The following EPHB1 variants were observed in gnomAD, a reference collection of about 807,000 sequenced individuals.
The protein encoded by EPHB1 is ephrin type-B receptor 1.
Under a neutral mutation model 94.4 loss-of-function variants are expected in EPHB1, and 30 were observed. The ratio of observed to expected loss-of-function variants is 0.32; its 90% CI spans 0.24 to 0.43. EPHB1 has a LOEUF of 0.43. Ranked by LOEUF, EPHB1 falls within the 20% of genes least tolerant of loss-of-function variation. EPHB1 has a pLI of 1.00. For synonymous variants in EPHB1, 522 were observed against 489.1 expected, an observed-to-expected ratio of 1.07 and a Z score of -0.89; for missense variants, 1,055 against 1,308.3, an observed-to-expected ratio of 0.81 and a Z score of 2.99.
intron 12 of EPHB1, among the ~76,000 whole-genome samples, chr3:135,207,547 A>G (rs1050964936): frequency 6.6e-6 from 1 of 152,218 alleles, no homozygotes; most frequent in Non-Finnish European, 1.5e-5. Context: ...GTGCATAATT[A>G]CCAGCTGAAA....
chr3:135,207,423 A>C (rs925348400), intron 12 of EPHB1, among the ~76,000 whole-genome samples: 2 of 97,560 alleles, frequency 2.1e-5, no homozygotes, highest in Admixed American at 1.3e-4. Flanking sequence ...AGTATCTACT[A>C]TGTGTCAACA....
chr3:135,056,819 C>T (rs1937362914), intron 3 of EPHB1, among the ~76,000 whole-genome samples: 1 of 152,108 alleles, frequency 6.6e-6, no homozygotes, highest in South Asian at 2.1e-4. Flanking sequence ...GGAGTAGGGA[C>T]ACTTGTAAGC....
intron 8 of EPHB1, 63 bp downstream of exon 8, chr3:135,166,139 C>T (rs1941646120): frequency 7.8e-7 from 1 of 1,281,962 alleles, no homozygotes; most frequent in African/African-American, 1.5e-5. Flanking sequence ...TGTGCCGTTT[C>T]CCAGGCTGCG....
chr3:134,853,910 T>C (rs2037048669), intron 1 of EPHB1, among the ~76,000 whole-genome samples: 1 of 152,148 alleles, frequency 6.6e-6, no homozygotes, highest in East Asian at 1.9e-4. Context: ...AGAGAGCCCA[T>C]CCATCATGGA....
chr3:134,847,256 G>A (rs892114842), intron 1 of EPHB1, among the ~76,000 whole-genome samples: 6 of 152,076 alleles, frequency 3.9e-5, no homozygotes, highest in African/African-American at 1.2e-4. Context: ...CTCCACCTCC[G>A]GCTTCAGATG....
intron 12 of EPHB1, among the ~76,000 whole-genome samples, chr3:135,217,696 G>T (rs1361764582): frequency 6.6e-6 from 1 of 152,094 alleles, no homozygotes; most frequent in Non-Finnish European, 1.5e-5. Context: ...CAGTGAGTTT[G>T]ACTGCAACAG....
intron 10 of EPHB1, among the ~76,000 whole-genome samples, chr3:135,184,331 C>G (rs1338225480): frequency 6.6e-6 from 1 of 152,028 alleles, no homozygotes; most frequent in Non-Finnish European, 1.5e-5. Flanking sequence ...CATCAGCTGC[C>G]AAAGTTTCTC....
intron 1 of EPHB1, among the ~76,000 whole-genome samples, chr3:134,874,297 A>G (rs1041083907): frequency 1.5e-4 from 23 of 152,170 alleles, no homozygotes; most frequent in African/African-American, 5.3e-4. Flanking sequence ...GTTCTCACTC[A>G]TAAGTGGGAG....
chr3:134,947,930 A>G (rs75578493), intron 2 of EPHB1, among the ~76,000 whole-genome samples: 2,127 of 152,256 alleles, frequency 0.014, 20 homozygotes, highest in Non-Finnish European at 0.019. Context: ...AGCTGGTTCT[A>G]CAGGCACAAG....
intron 3 of EPHB1, among the ~76,000 whole-genome samples, chr3:135,063,835 A>G (rs886214324): frequency 5.9e-5 from 9 of 152,164 alleles, no homozygotes; most frequent in African/African-American, 1.7e-4. Flanking sequence ...TTTGTCATAC[A>G]TAGATGGCTT....
At chr3:135,133,470 T>G (rs1940500316) in intron 5 of EPHB1, among the ~76,000 whole-genome samples, 1 of 152,098 alleles carries the variant, frequency 6.6e-6, no homozygotes, top group Admixed American at 6.5e-5. Flanking sequence ...GACAGACAGA[T>G]GGTGAGTGAG....
At chr3:134,801,751 G>A (rs2035939025) in intron 1 of EPHB1, among the ~76,000 whole-genome samples, 1 of 152,200 alleles carries the variant, frequency 6.6e-6, no homozygotes, top group South Asian at 2.1e-4. Context: ...AGCTGTAGGT[G>A]GGGCCCTTGG....
At chr3:135,167,136 C>A in intron 9 of EPHB1, 130 bp downstream of exon 9, 1 of 1,017,642 alleles carries the variant, frequency 9.8e-7, no homozygotes, top group Non-Finnish European at 1.5e-6. Flanking sequence ...CCCCCAGTGC[C>A]TTGGCCACCT....
intron 3 of EPHB1, among the ~76,000 whole-genome samples, chr3:135,046,891 T>C (rs1388733879): frequency 1.3e-5 from 2 of 152,238 alleles, no homozygotes; most frequent in Non-Finnish European, 2.9e-5. Context: ...CCTATTCTTA[T>C]TGTAAAAGGC....
chr3:135,202,431 C>CA (rs144848275), intron 12 of EPHB1, among the ~76,000 whole-genome samples: 2 of 151,952 alleles, frequency 1.3e-5, no homozygotes, highest in Non-Finnish European at 2.9e-5. Context: ...CATAGGGTAC[C>CA]AAAAAATCTA....
At chr3:134,897,435 G>T (rs1303643777) in intron 1 of EPHB1, among the ~76,000 whole-genome samples, 2 of 152,194 alleles carry the variant, frequency 1.3e-5, no homozygotes, top group African/African-American at 4.8e-5. Flanking sequence ...AGCAAAGCAG[G>T]GGTTGGTTAC....
intron 5 of EPHB1, among the ~76,000 whole-genome samples, chr3:135,141,492 G>T (rs1940826991): frequency 6.6e-6 from 1 of 152,132 alleles, no homozygotes; most frequent in Non-Finnish European, 1.5e-5. Flanking sequence ...TCACATGCTG[G>T]TGCTGCCTCC....
At position 135,207,109 on chromosome 3, in the gene EPHB1, C is replaced by T. The variant is rs138427369; in HGVS notation, c.2346+5420C>T. The stretch of plus-strand genomic sequence containing the variant: ...TAAATAATGATGTCAGCCAAATATA[C>T]AATTTACATATACACGACATTAAAA... On this transcript the variant is annotated intron_variant, in intron 12 of 15. Coordinates refer to ENST00000398015, the MANE Select transcript of EPHB1 (RefSeq NM_004441.5). Among the ~76,000 whole-genome samples the T allele has an allele frequency of 3.2e-3, 485 of 152,300 alleles. 5 individuals are homozygous for T. The highest frequency in any genetic ancestry group is 0.011 in the African/African-American group (462 of 41,562).
chr3:134,973,584 A>C (rs2107728835), intron 3 of EPHB1, among the ~76,000 whole-genome samples: 1 of 151,986 alleles, frequency 6.6e-6, no homozygotes, highest in South Asian at 2.1e-4. Context: ...GGCATGCACC[A>C]CCATGCCCAG....
Sources: allele counts gnomAD v4.1 joint callset (sites outside exome capture counted in the v4.1 genomes callset), GRCh38; gene constraint gnomAD v4.1.1; transcripts MANE v1.5; gene names NCBI Gene and HGNC (gene_info 2026-07-23, HGNC 2026-07-21).